Variants in SCRG1 observed in about 807,000 individuals in gnomAD.
The protein encoded by SCRG1 is scrapie-responsive protein 1.
In SCRG1, 3 loss-of-function variants were observed where a neutral mutation model predicts 7.7. The ratio of observed to expected loss-of-function variants is 0.39; its 90% CI spans 0.18 to 1.01. The LOEUF (loss-of-function observed/expected upper bound fraction) is 1.01, where lower values mean the gene tolerates loss of function less well. SCRG1 is among the 50% of genes least tolerant of loss of function. The pLI is 0.36. For synonymous variants in SCRG1, 46 were observed against 41.2 expected (o/e 1.12, Z -0.44); for missense variants, 110 against 117.2 (o/e 0.94, Z 0.28).
At chr4:173,513,780 A>G in the SCRG1 span, among the ~76,000 whole-genome samples, 1 of 152,192 alleles carries the variant, frequency 6.6e-6, no homozygotes, top group Admixed American at 6.5e-5. Flanking sequence ...ATTATTCTAA[A>G]ACCATAGAGA....
At chr4:173,412,789 A>G in the SCRG1 span, among the ~76,000 whole-genome samples, 1 of 152,088 alleles carries the variant, frequency 6.6e-6, no homozygotes, top group Non-Finnish European at 1.5e-5. Context: ...GGCTTAGGAG[A>G]GTTGTTCTCC....
the SCRG1 span, among the ~76,000 whole-genome samples, chr4:173,442,959 A>G: frequency 3.3e-5 from 5 of 152,192 alleles, no homozygotes; most frequent in Non-Finnish European, 7.3e-5. Context: ...CATTCAAAGC[A>G]TAGCCCCATT....
the SCRG1 span, among the ~76,000 whole-genome samples, chr4:173,439,858 T>C: frequency 6.6e-6 from 1 of 152,192 alleles, no homozygotes; most frequent in Non-Finnish European, 1.5e-5. Context: ...TGATTCTTCC[T>C]TCTTTGTTTT....
chr4:173,436,263 C>G, the SCRG1 span, among the ~76,000 whole-genome samples: 7 of 152,248 alleles, frequency 4.6e-5, no homozygotes, highest in African/African-American at 1.7e-4. Context: ...AGGAAAAGTC[C>G]TCAGCACACT....
At chr4:173,459,071 C>T in the SCRG1 span, among the ~76,000 whole-genome samples, 46 of 152,288 alleles carry the variant, frequency 3.0e-4, no homozygotes, top group South Asian at 3.3e-3. Context: ...GGATATACAA[C>T]TGTAAATAAA....
At chr4:173,488,997 C>T in the SCRG1 span, among the ~76,000 whole-genome samples, 4 of 152,274 alleles carry the variant, frequency 2.6e-5, no homozygotes, top group Admixed American at 1.3e-4. Context: ...GCTGATACAA[C>T]GTTTCTTAAA....
At chr4:173,441,233 G>T in the SCRG1 span, among the ~76,000 whole-genome samples, 1 of 152,152 alleles carries the variant, frequency 6.6e-6, no homozygotes, top group East Asian at 1.9e-4. Context: ...TGTAAAGGAG[G>T]CTAAAAACAC....
the SCRG1 span, among the ~76,000 whole-genome samples, chr4:173,518,788 G>A: frequency 1.3e-5 from 2 of 152,196 alleles, no homozygotes; most frequent in Admixed American, 1.3e-4. Flanking sequence ...TGGCTGGCAG[G>A]AGCAGGTTCA....
chr4:173,480,173 G>A, the SCRG1 span, among the ~76,000 whole-genome samples: 3 of 152,134 alleles, frequency 2.0e-5, no homozygotes, highest in Non-Finnish European at 2.9e-5. Flanking sequence ...CCTCATCTAT[G>A]AGTATTCTTC....
chr4:173,484,836 C>T, the SCRG1 span, among the ~76,000 whole-genome samples: 55,323 of 78,686 alleles, frequency 0.7, 19,212 homozygotes, highest in Non-Finnish European at 0.75. Context: ...ATTATATGTA[C>T]AATATATTAT....
chr4:173,436,180 G>C, the SCRG1 span, among the ~76,000 whole-genome samples: 2 of 152,168 alleles, frequency 1.3e-5, no homozygotes, highest in Non-Finnish European at 2.9e-5. Flanking sequence ...GTTAGTTCGT[G>C]TTACTTAGTG....
At chr4:173,449,435 CTTTTTT>C in the SCRG1 span, among the ~76,000 whole-genome samples, 15 of 115,926 alleles carry the variant, frequency 1.3e-4, no homozygotes, top group Admixed American at 1.0e-3. Context: ...CATGATAAAT[CTTTTTT>C]TTTTTTTTTT....
At chr4:173,432,296 TCC>T in the SCRG1 span, among the ~76,000 whole-genome samples, 4 of 127,438 alleles carry the variant, frequency 3.1e-5, no homozygotes, top group Non-Finnish European at 6.7e-5. Context: ...CCTTCCTTCC[TCC>T]CCCCCTCCCT....
At chr4:173,493,204 G>A in the SCRG1 span, among the ~76,000 whole-genome samples, 31 of 152,034 alleles carry the variant, frequency 2.0e-4, no homozygotes, top group Non-Finnish European at 1.5e-5. Context: ...TTGAATCAGG[G>A]GGCAGACTTC....
At chr4:173,407,076 G>A (rs2126925518), upstream of SCRG1, among the ~76,000 whole-genome samples, 1 of 151,544 alleles carries the variant, frequency 6.6e-6, no homozygotes, top group Non-Finnish European at 1.5e-5. Context: ...AGGCATGGGG[G>A]CACATGCCTG....
At chr4:173,398,304 G>T (rs1420747339) in intron 1 of SCRG1, 1 of 152,176 alleles carries the variant, frequency 6.6e-6, no homozygotes, top group Non-Finnish European at 1.5e-5. Flanking sequence ...CCCTAAAAGT[G>T]ATCAGGCTTT....
the SCRG1 span, among the ~76,000 whole-genome samples, chr4:173,481,221 A>G: frequency 6.6e-6 from 1 of 152,182 alleles, no homozygotes; most frequent in African/African-American, 2.4e-5. Context: ...AAAAATTTGC[A>G]GTGGTAACAG....
the SCRG1 span, among the ~76,000 whole-genome samples, chr4:173,423,092 G>T: frequency 1.3e-5 from 2 of 152,198 alleles, no homozygotes; most frequent in South Asian, 4.1e-4. Context: ...AAACTGCTAT[G>T]AACCTCATGA....
chr4:173,483,455 T>TATATATTATATATTATATTATGATATATA, the SCRG1 span, among the ~76,000 whole-genome samples: 150 of 5,884 alleles, frequency 0.025, 4 homozygotes, highest in Middle Eastern at 0.083. Flanking sequence ...TATATCATGA[T>TATATATTATATATTATATTATGATATATA]ATATATTATA....
Sources: allele counts gnomAD v4.1 joint callset (sites outside exome capture counted in the v4.1 genomes callset), GRCh38; gene constraint gnomAD v4.1.1; transcripts MANE v1.5; gene names NCBI Gene and HGNC (gene_info 2026-07-23, HGNC 2026-07-21).